Variants in RTTN observed in about 807,000 individuals in gnomAD.
RTTN encodes rotatin.
Under a neutral mutation model 269.2 loss-of-function variants are expected in RTTN, and 182 were observed. The ratio of observed to expected loss-of-function variants is 0.68; its 90% CI spans 0.60 to 0.76. The LOEUF (loss-of-function observed/expected upper bound fraction) is 0.76. Ranked by LOEUF, RTTN falls within the 30% of genes least tolerant of loss-of-function variation. The probability of loss-of-function intolerance (pLI) is 0.00; values close to 1 mark genes in which losing one functional copy is unlikely to be tolerated. For synonymous variants in RTTN, 1,006 were observed against 963.5 expected (o/e 1.04, Z -0.82); for missense variants, 2,545 against 2,608.6 (o/e 0.98, Z 0.53).
chr18:70,148,026 G>T (rs1250185819), intron 17 of RTTN, among the ~76,000 whole-genome samples: 1 of 152,072 alleles, frequency 6.6e-6, no homozygotes, highest in Non-Finnish European at 1.5e-5. Flanking sequence ...ATATTTTAAA[G>T]ACTATAATTT....
rs2061311918 is a variant in RTTN, at chr18:70,176,738, C to T, written c.1413G>A (p.Met471Ile). 2 of 1,613,998 alleles carry T rather than the reference C, an allele frequency of 1.2e-6. No individual in the cohort carries two copies. The highest frequency in any genetic ancestry group is 1.7e-6 in the Non-Finnish European group (2 of 1,179,940). ...CAAACAGGGAAATGCTGATAAAGGC[C>T]ATTCTGTGGTGCACAAGCATCACCT... ...QPEVMLVHHR[M>I]AFISISLFAV... The change falls in exon 11 of 49, where the codon ATG becomes ATA. Residue 471 changes from methionine (M) to isoleucine (I), a missense_variant. Transcript: ENST00000640769.
chr18:70,083,180 T>A lies in RTTN; in HGVS notation c.4374+3433A>T, dbSNP rs141099754. On this transcript the variant is annotated intron_variant, in intron 32 of 48. Coordinates refer to ENST00000640769, the MANE Select transcript of RTTN (RefSeq NM_173630.4). ...AGGCCCCTGGTAGGAGTGCTAGATG[T>A]CAAGGGAAGACAGGCCGAGATACTT... Among the ~76,000 whole-genome samples the A allele has an allele frequency of 6.9e-4, 105 of 152,256 alleles. 2 individuals carry two copies. The East Asian group carries it at 0.017, about 24-fold the overall frequency.
intron 45 of RTTN, chr18:70,019,328 T>A (rs2056635126): frequency 6.6e-6 from 1 of 152,202 alleles, no homozygotes; most frequent in Non-Finnish European, 1.5e-5. Flanking sequence ...CCCACCAACA[T>A]GCTCTATAAG....
At chr18:70,155,552 C>G (rs1316523643) in intron 14 of RTTN, among the ~76,000 whole-genome samples, 1 of 152,214 alleles carries the variant, frequency 6.6e-6, no homozygotes, top group African/African-American at 2.4e-5. Context: ...ACTCTTGCAA[C>G]GATCCTCTAG....
At chr18:70,151,869 T>C (rs1212020622) in intron 14 of RTTN, among the ~76,000 whole-genome samples, 1 of 152,164 alleles carries the variant, frequency 6.6e-6, no homozygotes, top group Non-Finnish European at 1.5e-5. Flanking sequence ...CTCCTCTTGA[T>C]AACAATTCAT....
chr18:70,154,135 A>G (rs1406375814), intron 14 of RTTN, among the ~76,000 whole-genome samples: 1 of 152,144 alleles, frequency 6.6e-6, no homozygotes, highest in Non-Finnish European at 1.5e-5. Context: ...TAAAATTTAG[A>G]ATTTTCAAAA....
intron 43 of RTTN, among the ~76,000 whole-genome samples, chr18:70,025,449 A>G (rs1038764586): frequency 1.3e-5 from 2 of 152,248 alleles, no homozygotes; most frequent in African/African-American, 4.8e-5. Context: ...AGCAATATCT[A>G]TTTTAAATGA....
chr18:70,189,383 A>C (rs1026502097), intron 9 of RTTN, among the ~76,000 whole-genome samples: 1 of 152,216 alleles, frequency 6.6e-6, no homozygotes, highest in Non-Finnish European at 1.5e-5. Context: ...AAAAATAGAC[A>C]TGGGACTTAA....
intron 40 of RTTN, among the ~76,000 whole-genome samples, chr18:70,043,896 G>C (rs1376884059): frequency 6.6e-6 from 1 of 152,242 alleles, no homozygotes; most frequent in Non-Finnish European, 1.5e-5. Flanking sequence ...GACACGACTG[G>C]AAGTGTGAGG....
chr18:70,045,959 CA>C lies in RTTN; in HGVS notation c.5541+2011del, dbSNP rs948922722. On this transcript the variant is annotated intron_variant, in intron 40 of 48. Coordinates refer to ENST00000640769, the MANE Select transcript of RTTN (RefSeq NM_173630.4). ...TCATTTTCTTTGTCCAAAAAGGTAA[CA>C]AAAAAATTATAAACAAAAGCTTTTA... 8.6e-5 allele frequency among the ~76,000 whole-genome samples: 13 copies of C among 151,794 alleles called. No homozygotes were observed. The East Asian group carries it at 9.6e-4, about 11-fold the overall frequency.
At chr18:70,067,792 G>T (rs2058183761) in intron 34 of RTTN, among the ~76,000 whole-genome samples, 1 of 152,166 alleles carries the variant, frequency 6.6e-6, no homozygotes, top group Non-Finnish European at 1.5e-5. Flanking sequence ...ATCGGTGTGG[G>T]AAAAGAAAGC....
intron 40 of RTTN, among the ~76,000 whole-genome samples, chr18:70,038,046 A>G (rs2057228878): frequency 6.6e-6 from 1 of 152,170 alleles, no homozygotes; most frequent in Non-Finnish European, 1.5e-5. Flanking sequence ...GGGAGAGAAG[A>G]GCAGAAAGGA....
At chr18:70,112,456 AG>A (rs2059493085) in intron 27 of RTTN, among the ~76,000 whole-genome samples, 1 of 131,658 alleles carries the variant, frequency 7.6e-6, no homozygotes, top group African/African-American at 2.7e-5. Context: ...AAAGGGATGG[AG>A]GATGATTTAT....
intron 41 of RTTN, among the ~76,000 whole-genome samples, chr18:70,030,328 A>C (rs1322895937): frequency 6.6e-6 from 1 of 152,234 alleles, no homozygotes; most frequent in Non-Finnish European, 1.5e-5. Flanking sequence ...GATACTACCC[A>C]AATCCAATTT....
chr18:70,202,849 A>G (rs1031221581), intron 3 of RTTN, among the ~76,000 whole-genome samples: 1 of 152,254 alleles, frequency 6.6e-6, no homozygotes, highest in Non-Finnish European at 1.5e-5. Flanking sequence ...TTCAATGCCC[A>G]CAACAAAACT....
intron 24 of RTTN, 169 bp downstream of exon 24, chr18:70,128,189 T>C (rs1433830232): frequency 3.1e-5 from 18 of 572,566 alleles, no homozygotes; most frequent in Admixed American, 6.3e-5. Flanking sequence ...TTGTTAAAAG[T>C]AATAAACACA....
rs1599681749 is a variant in RTTN, at chr18:70,127,649, A to C, written c.3236T>G (p.Ile1079Ser). 11 of 1,613,430 alleles carry C rather than the reference A, an allele frequency of 6.8e-6. No individual in the cohort carries two copies. Among genetic ancestry groups the C allele is most frequent in the South Asian group, 4.4e-5 (4 of 91,058 alleles). The change falls in exon 25 of 49, where the codon ATT becomes AGT. Residue 1079 changes from isoleucine (I) to serine (S), a missense_variant. Ile to Ser is a moderately radical substitution (Grantham distance 142). Transcript: ENST00000640769. Reference sequence around the variant, plus strand: ...TTCCCTGTGGGTTGCAGCCTGAACAATGGAATGGAGGCAGTCCTGCAGCCC... The same window carrying C: ...TTCCCTGTGGGTTGCAGCCTGAACACTGGAATGGAGGCAGTCCTGCAGCCC... Reference protein sequence around the residue: ...ASGLQDCLHSIVQAATHREVR... With the variant: ...ASGLQDCLHSSVQAATHREVR...
intron 32 of RTTN, among the ~76,000 whole-genome samples, chr18:70,075,881 A>G (rs765222523): frequency 3.3e-5 from 5 of 152,146 alleles, no homozygotes; most frequent in Admixed American, 1.3e-4. Flanking sequence ...TTCAACCTAC[A>G]TATAATAGTA....
intron 35 of RTTN, among the ~76,000 whole-genome samples, chr18:70,064,281 T>C (rs1291419974): frequency 1.5e-5 from 2 of 130,652 alleles, no homozygotes; most frequent in South Asian, 2.4e-4. Flanking sequence ...GAGGCTGCAC[T>C]GAGCCAAGAT....
Sources: gnomAD v4.1 joint callset for allele counts (sites outside exome capture counted in the v4.1 genomes callset) on GRCh38, gnomAD v4.1.1 for gene constraint, MANE v1.5 for transcripts, NCBI Gene and HGNC (gene_info 2026-07-23, HGNC 2026-07-21) for gene names.